Variants in NNT observed in about 807,000 individuals in gnomAD.
NNT encodes the protein nicotinamide nucleotide transhydrogenase, also known as NAD(P) transhydrogenase, mitochondrial.
A neutral mutation model predicts 104.8 loss-of-function variants in NNT; 50 were observed. That is an observed-to-expected ratio of 0.48 (90% CI 0.38 to 0.60). The LOEUF (loss-of-function observed/expected upper bound fraction) is 0.60, where lower values mean the gene tolerates loss of function less well. Among genes scored for constraint, NNT ranks in the 20% least tolerant of loss-of-function variants. The pLI, the probability that NNT is intolerant of heterozygous loss-of-function variation, is 0.00. For synonymous variants in NNT, 461 were observed against 490.4 expected, an observed-to-expected ratio of 0.94 and a Z score of 0.79; for missense variants, 1,131 against 1,330.7, an observed-to-expected ratio of 0.85 and a Z score of 2.33.
chr5:43,677,895 G>A, intron 19 of NNT, 89 bp downstream of exon 19: 3 of 1,070,802 alleles, frequency 2.8e-6, no homozygotes, highest in Non-Finnish European at 4.3e-6. Flanking sequence ...AACAATGTAG[G>A]GGTTAGGGCA....
At chr5:43,631,264 A>G (rs1750664400) in intron 7 of NNT, among the ~76,000 whole-genome samples, 2 of 152,158 alleles carry the variant, frequency 1.3e-5, no homozygotes, top group African/African-American at 4.8e-5. Context: ...CATGCAGATC[A>G]GACAAACCCC....
intron 7 of NNT, among the ~76,000 whole-genome samples, chr5:43,634,057 CTT>C (rs1449277269): frequency 6.6e-6 from 1 of 152,236 alleles, no homozygotes; most frequent in East Asian, 1.9e-4. Context: ...ACTTGTGTCT[CTT>C]TTTAGGCACA....
intron 17 of NNT, among the ~76,000 whole-genome samples, chr5:43,674,442 T>G (rs1741299883): frequency 6.6e-6 from 1 of 152,212 alleles, no homozygotes; most frequent in Non-Finnish European, 1.5e-5. Context: ...TTTTACCTTT[T>G]TAATACTAAA....
intron 1 of NNT, among the ~76,000 whole-genome samples, chr5:43,606,752 T>A (rs1420482782): frequency 6.6e-6 from 1 of 152,234 alleles, no homozygotes; most frequent in East Asian, 1.9e-4. Flanking sequence ...ACTCTGTTAC[T>A]CTACTTTGTA....
At position 43,659,255 on chromosome 5, in the gene NNT, T is replaced by C; in HGVS notation, c.2539T>C (p.Cys847Arg). 6.2e-7 allele frequency: 1 copy of C among 1,614,052 alleles called. No individual in the cohort carries two copies. ...VLNSYSGWAL[C>R]AEGFLLNNNL... ...GAACAGCTACTCAGGCTGGGCCCTGTGTGCAGAGGGCTTCCTGCTCAACAA... is the reference window on the plus strand; with the variant it reads ...GAACAGCTACTCAGGCTGGGCCCTGCGTGCAGAGGGCTTCCTGCTCAACAA... The change falls in exon 17 of 22, where the codon TGT (cysteine) becomes CGT (arginine). Residue 847 changes from cysteine to arginine, a missense_variant. Cys to Arg is a radical substitution (Grantham distance 180). Coordinates refer to ENST00000344920, the MANE Select transcript of NNT (RefSeq NM_182977.3).
chr5:43,655,697 C>T, intron 14 of NNT, 143 bp from the exon 15 acceptor site: 1 of 645,260 alleles, frequency 1.5e-6, no homozygotes, highest in East Asian at 2.7e-5. Flanking sequence ...TCTGTACAGC[C>T]CCTGTAGAGA....
chr5:43,702,015 C>T (rs911282435), intron 20 of NNT, among the ~76,000 whole-genome samples: 1 of 151,864 alleles, frequency 6.6e-6, no homozygotes, highest in African/African-American at 2.4e-5. Flanking sequence ...AGAACTCTGT[C>T]CAATGCATGC....
intron 7 of NNT, among the ~76,000 whole-genome samples, chr5:43,631,698 C>G (rs1750685493): frequency 1.3e-5 from 2 of 152,098 alleles, no homozygotes; most frequent in African/African-American, 4.8e-5. Context: ...CACATACTGA[C>G]TTTCAGGGCC....
At chr5:43,636,654 C>T (rs1021928662) in intron 7 of NNT, among the ~76,000 whole-genome samples, 5 of 152,122 alleles carry the variant, frequency 3.3e-5, no homozygotes, top group Admixed American at 3.3e-4. Context: ...TAATGTACAT[C>T]TATACATATG....
Position 43,614,876 on chromosome 5 carries a change from G to A in NNT, c.382-972G>A, listed in dbSNP as rs187677608. On this transcript the variant is annotated intron_variant, in intron 3 of 21. Transcript: ENST00000344920. ...TGGATGGCCGGGCGCAGTGGCTCAC[G>A]CCTGTAATCCCAGCACTTTGGGAGG... Among the ~76,000 whole-genome samples, 628 of 152,284 alleles carry A rather than the reference G, an allele frequency of 4.1e-3. 3 individuals are homozygous for A. Among genetic ancestry groups the A allele is most frequent in the African/African-American group, 0.014 (587 of 41,560 alleles).
At chr5:43,624,417 A>T (rs1313640421) in intron 6 of NNT, among the ~76,000 whole-genome samples, 1 of 152,210 alleles carries the variant, frequency 6.6e-6, no homozygotes, top group Non-Finnish European at 1.5e-5. Flanking sequence ...TTTAGGCACT[A>T]GTTAGGGCAT....
At chr5:43,645,246 A>G (rs528806673) in intron 9 of NNT, 111 bp from the exon 10 acceptor site, 2 of 512,642 alleles carry the variant, frequency 3.9e-6, no homozygotes, top group African/African-American at 2.0e-5. Flanking sequence ...TTATATATTT[A>G]CATAAAATTA....
At chr5:43,633,164 G>A (rs1750769608) in intron 7 of NNT, among the ~76,000 whole-genome samples, 1 of 152,124 alleles carries the variant, frequency 6.6e-6, no homozygotes, top group Non-Finnish European at 1.5e-5. Flanking sequence ...TGGGCGACTT[G>A]GGTTCCCAGC....
intron 5 of NNT, among the ~76,000 whole-genome samples, chr5:43,619,687 C>G (rs537998125): frequency 6.6e-6 from 1 of 152,276 alleles, no homozygotes; most frequent in African/African-American, 2.4e-5. Flanking sequence ...TCCTTCAATC[C>G]TATGTACACT....
At position 43,628,300 on chromosome 5, in the gene NNT, T is replaced by C. The variant is rs776458860; in HGVS notation, c.877T>C (p.Ser293Pro). 2.5e-6 allele frequency: 4 copies of C among 1,614,036 alleles called. No homozygotes were observed. In the Admixed American group the frequency reaches 5.0e-5, roughly 20 times the overall value. Reference sequence around the variant, plus strand: ...ACAAGGAGGATATGCAAAAGAGATGTCCAAAGAGTTCATTGAAGCTGAAAT... The same window carrying C: ...ACAAGGAGGATATGCAAAAGAGATGCCCAAAGAGTTCATTGAAGCTGAAAT... ...EGQGGYAKEMSKEFIEAEMKL... is the reference protein window; with the variant it reads ...EGQGGYAKEMPKEFIEAEMKL... Residue 293 changes from serine to proline, a missense_variant, in exon 7 of 22, where the codon TCC (serine) becomes CCC (proline). Transcript: ENST00000344920.
intron 10 of NNT, 56 bp downstream of exon 10, chr5:43,645,566 T>C: frequency 8.9e-7 from 1 of 1,124,600 alleles, no homozygotes; most frequent in South Asian, 2.3e-5. Flanking sequence ...GCAAGTTATA[T>C]ATATATATAT....
At chr5:43,606,798 A>G (rs1322927847) in intron 1 of NNT, among the ~76,000 whole-genome samples, 1 of 152,100 alleles carries the variant, frequency 6.6e-6, no homozygotes, top group African/African-American at 2.4e-5. Flanking sequence ...CTCCAGGAAA[A>G]TTCCAGTTTG....
chr5:43,642,015 A>G (rs1021856050), intron 7 of NNT, among the ~76,000 whole-genome samples: 10 of 152,240 alleles, frequency 6.6e-5, no homozygotes, highest in Admixed American at 5.2e-4. Flanking sequence ...GTGGTAGCAT[A>G]CAGTCCAGGG....
intron 19 of NNT, among the ~76,000 whole-genome samples, chr5:43,681,504 A>G (rs1340880752): frequency 1.3e-5 from 2 of 151,846 alleles, no homozygotes; most frequent in African/African-American, 2.4e-5. Context: ...GTTCAAAGCA[A>G]TTCTCCTGCC....
Sources: gnomAD v4.1 joint callset for allele counts (sites outside exome capture counted in the v4.1 genomes callset) on GRCh38, gnomAD v4.1.1 for gene constraint, MANE v1.5 for transcripts, NCBI Gene and HGNC (gene_info 2026-07-23, HGNC 2026-07-21) for gene names.